LOXHD1: variants seen among roughly 807,000 people sequenced by gnomAD.
The protein encoded by LOXHD1 is lipoxygenase homology PLAT domains 1, also known as lipoxygenase homology domain-containing protein 1.
A neutral mutation model predicts 248.2 loss-of-function variants in LOXHD1; 205 were observed. That is an observed-to-expected ratio of 0.83 (90% CI 0.74 to 0.93). LOXHD1 has a LOEUF of 0.93. Ranked by LOEUF, LOXHD1 falls within the 40% of genes least tolerant of loss-of-function variation. The probability of loss-of-function intolerance (pLI) is 0.00; values close to 1 mark genes in which losing one functional copy is unlikely to be tolerated. For synonymous variants in LOXHD1, 1,113 were observed against 1,162.8 expected (o/e 0.96, Z 0.87); for missense variants, 2,930 against 2,971.6 (o/e 0.99, Z 0.33).
intron 9 of LOXHD1, 145 bp from the exon 10 acceptor site, chr18:46,593,905 A>G (rs2144244187): frequency 2.6e-6 from 2 of 782,334 alleles, no homozygotes; most frequent in Non-Finnish European, 4.0e-6. Flanking sequence ...AACCCATTAT[A>G]GCCAAATTTA....
intron 37 of LOXHD1, among the ~76,000 whole-genome samples, chr18:46,493,493 T>C (rs1238063660): frequency 6.6e-6 from 1 of 152,230 alleles, no homozygotes; most frequent in East Asian, 1.9e-4. Context: ...CCTGGGACAG[T>C]GCTTGGCATA....
chr18:46,574,786 A>G (rs2037823629), intron 14 of LOXHD1, among the ~76,000 whole-genome samples: 1 of 152,150 alleles, frequency 6.6e-6, no homozygotes, highest in Non-Finnish European at 1.5e-5. Flanking sequence ...ACCATAAGAC[A>G]CATGCTGGCC....
At chr18:46,551,843 G>A (rs1390795806) in intron 21 of LOXHD1, among the ~76,000 whole-genome samples, 1 of 152,144 alleles carries the variant, frequency 6.6e-6, no homozygotes, top group African/African-American at 2.4e-5. Flanking sequence ...AAGGTGGTAC[G>A]TACATACAAT....
chr18:46,597,759 C>CTT (rs551184983), intron 8 of LOXHD1, among the ~76,000 whole-genome samples: 8 of 141,600 alleles, frequency 5.6e-5, no homozygotes, highest in African/African-American at 1.0e-4. Flanking sequence ...TAGAAAAATT[C>CTT]TTTTTTTTTT....
At chr18:46,654,813 A>G (rs112455717) in intron 1 of LOXHD1, among the ~76,000 whole-genome samples, 76 of 152,330 alleles carry the variant, frequency 5.0e-4, no homozygotes, top group African/African-American at 1.8e-3. Flanking sequence ...AGTACCCTGC[A>G]ACAGACAGGA....
At chr18:46,548,265 G>T (rs916540273) in intron 21 of LOXHD1, among the ~76,000 whole-genome samples, 9 of 152,108 alleles carry the variant, frequency 5.9e-5, no homozygotes, top group Non-Finnish European at 1.0e-4. Flanking sequence ...CCCCACCCCT[G>T]CCCTGATGCA....
chr18:46,488,862 C>A, intron 38 of LOXHD1, 110 bp downstream of exon 38: 1 of 1,180,234 alleles, frequency 8.5e-7, no homozygotes, highest in Non-Finnish European at 1.2e-6. Context: ...TGCATATCTC[C>A]ATATTATTCC....
At chr18:46,643,087 G>C (rs1372964422) in intron 2 of LOXHD1, among the ~76,000 whole-genome samples, 1 of 152,164 alleles carries the variant, frequency 6.6e-6, no homozygotes, top group African/African-American at 2.4e-5. Context: ...CGGCTTTTAA[G>C]GTTCTACAGA....
Position 46,570,237 on chromosome 18 carries a change from A to G in LOXHD1, c.2048-599T>C, listed in dbSNP as rs138938120. ...CACGAGGGTGTCACTCCATTTTATCAGCCAGGAATGTCTGCATTATCGGTC... is the reference window on the plus strand; with the variant it reads ...CACGAGGGTGTCACTCCATTTTATCGGCCAGGAATGTCTGCATTATCGGTC... On this transcript the variant is annotated intron_variant, in intron 15 of 40. Transcript: ENST00000642948. 4.0e-3 allele frequency among the ~76,000 whole-genome samples: 606 copies of G among 152,332 alleles called. 2 individuals are homozygous for G. The highest frequency in any genetic ancestry group is 0.014 in the African/African-American group (588 of 41,578).
At chr18:46,611,586 T>C (rs2038509135) in intron 5 of LOXHD1, among the ~76,000 whole-genome samples, 1 of 152,214 alleles carries the variant, frequency 6.6e-6, no homozygotes, top group Non-Finnish European at 1.5e-5. Flanking sequence ...AAATCTTATC[T>C]AGGCACCAAT....
intron 25 of LOXHD1, 46 bp downstream of exon 25, chr18:46,541,730 G>C: frequency 6.5e-7 from 1 of 1,548,638 alleles, no homozygotes. Flanking sequence ...GGTAGCTGGT[G>C]ATGGGGCCCC....
chr18:46,611,164 G>A (rs1228650790), intron 5 of LOXHD1, among the ~76,000 whole-genome samples: 2 of 152,080 alleles, frequency 1.3e-5, no homozygotes, highest in African/African-American at 2.4e-5. Flanking sequence ...CTAGAGTCCC[G>A]ATCCTACTAA....
At chr18:46,490,003 G>A (rs1173889835) in intron 37 of LOXHD1, among the ~76,000 whole-genome samples, 1 of 152,230 alleles carries the variant, frequency 6.6e-6, no homozygotes, top group Non-Finnish European at 1.5e-5. Flanking sequence ...CCTCGGAAGT[G>A]TGCCCACCAT....
downstream of LOXHD1, chr18:46,477,211 C>T (rs745703351): frequency 2.8e-6 from 2 of 725,012 alleles, no homozygotes; most frequent in East Asian, 5.4e-5. Flanking sequence ...AAGTCCCAGC[C>T]TGGTCACTAC....
chr18:46,538,457 C>G, intron 25 of LOXHD1, 120 bp from the exon 26 acceptor site: 3 of 1,002,678 alleles, frequency 3.0e-6, no homozygotes, highest in Non-Finnish European at 4.5e-6. Context: ...GAACTGCTGC[C>G]CGGGGAACTG....
chr18:46,638,635 AAAATAAATAAAC>A (rs1484558092), intron 4 of LOXHD1, among the ~76,000 whole-genome samples: 1 of 152,236 alleles, frequency 6.6e-6, no homozygotes, highest in Non-Finnish European at 1.5e-5. Context: ...CTCCATCTCA[AAAATAAATAAAC>A]AAATAAAATA....
In LOXHD1 at chr18:46,477,343, T is replaced by A; in HGVS notation, c.*129A>T. The stretch of plus-strand genomic sequence containing the variant: ...GGGTAGGGTGGGGAGCAGGACCCCA[T>A]GAAGTTCTCAGTGGACTGCTAGCCC... On this transcript the variant is annotated 3_prime_UTR_variant, in exon 41 of 41. Coordinates refer to ENST00000642948, the MANE Select transcript of LOXHD1 (RefSeq NM_001384474.1). 7.8e-7 allele frequency: 1 copy of A among 1,276,404 alleles called. No homozygotes were observed. Among genetic ancestry groups the A allele is most frequent in the Non-Finnish European group, 1.1e-6 (1 of 902,128 alleles). The allele number at this position is 1,276,404 out of a possible 1,614,324, so 79.1% of individuals were successfully genotyped here. A position where few individuals can be genotyped will look rare whatever the true frequency, so the allele number is the denominator to read the frequency against.
At chr18:46,594,254 T>C (rs1377494875) in intron 9 of LOXHD1, 77 bp downstream of exon 9, 4 of 1,531,190 alleles carry the variant, frequency 2.6e-6, no homozygotes, top group Non-Finnish European at 1.8e-6. Context: ...CTCATAGCTT[T>C]TGCCTAGTGG....
chr18:46,614,357 G>GGAATACTAT (rs1243364447), intron 5 of LOXHD1, among the ~76,000 whole-genome samples: 7 of 152,106 alleles, frequency 4.6e-5, no homozygotes, highest in Non-Finnish European at 1.0e-4. Context: ...AAGAAAATGT[G>GGAATACTAT]GCACATATAC....
Sources: gnomAD v4.1 joint callset for allele counts (sites outside exome capture counted in the v4.1 genomes callset) on GRCh38, gnomAD v4.1.1 for gene constraint, MANE v1.5 for transcripts, NCBI Gene and HGNC (gene_info 2026-07-23, HGNC 2026-07-21) for gene names.